The following HECW1 variants were observed in gnomAD, a reference collection of about 807,000 sequenced individuals.
The protein encoded by HECW1 is E3 ubiquitin-protein ligase HECW1.
A neutral mutation model predicts 182.3 loss-of-function variants in HECW1; 61 were observed. That is an observed-to-expected ratio of 0.33 (90% CI 0.27 to 0.41). The LOEUF (loss-of-function observed/expected upper bound fraction) is 0.41, where lower values mean the gene tolerates loss of function less well. HECW1 is among the 10% of genes least tolerant of loss of function. HECW1 has a pLI of 1.00. For missense variants in HECW1, 1,739 were observed against 2,108.9 expected (o/e 0.82, Z 3.44); for synonymous variants, 859 against 832.6 (o/e 1.03, Z -0.55).
At chr7:43,188,124 AG>A (rs1432381088) in intron 2 of HECW1, among the ~76,000 whole-genome samples, 2 of 152,196 alleles carry the variant, frequency 1.3e-5, no homozygotes, top group African/African-American at 4.8e-5. Flanking sequence ...TTCCAGACTG[AG>A]GATGTCTCTT....
Position 43,509,102 on chromosome 7 carries a change from G to A in HECW1, c.4000G>A (p.Val1334Ile), listed in dbSNP as rs761127676. The change falls in exon 24 of 30, where the codon GTA (valine) becomes ATA (isoleucine). Residue 1334 changes from valine (V) to isoleucine (I), a missense_variant. Physicochemically the swap from Val to Ile is conservative, Grantham distance 29. Coordinates refer to ENST00000395891, the MANE Select transcript of HECW1 (RefSeq NM_015052.5). The part of the protein sequence containing the change: ...TVQISPMSAF[V>I]ENHLEWFRFS... ...GCAGATCAGCCCCATGTCCGCATTT[G>A]TAGAAAACCATCTTGAGTGGTAAGC... 1 of 1,614,028 alleles carries A rather than the reference G, an allele frequency of 6.2e-7. No individual in the cohort carries two copies. The highest frequency in any genetic ancestry group is 2.2e-5 in the East Asian group (1 of 44,878).
intron 3 of HECW1, chr7:43,258,672 C>T (rs749598927): frequency 8.5e-5 from 13 of 152,206 alleles, no homozygotes; most frequent in Non-Finnish European, 1.6e-4. Context: ...CTTTACCTAA[C>T]AGAAGATAAT....
intron 8 of HECW1, among the ~76,000 whole-genome samples, chr7:43,410,444 T>G (rs1354721725): frequency 2.6e-5 from 4 of 152,124 alleles, no homozygotes; most frequent in Non-Finnish European, 5.9e-5. Flanking sequence ...CCCGGCCTCT[T>G]AATACCATCA....
intron 5 of HECW1, among the ~76,000 whole-genome samples, chr7:43,321,598 G>T (rs1429744807): frequency 6.6e-6 from 1 of 152,140 alleles, no homozygotes. Context: ...TGCACTTTCT[G>T]GTTGTTAGCA....
Position 43,528,877 on chromosome 7 carries a change from A to C in HECW1, c.4020-12286A>C, listed in dbSNP as rs188221490. ...CAAGTTTTCTCAGCTAATTTGTAAA[A>C]TCATTTCCACATAAAGGGAAGCTAT... On this transcript the variant is annotated intron_variant, in intron 24 of 29. Coordinates refer to ENST00000395891, the MANE Select transcript of HECW1 (RefSeq NM_015052.5). Among the ~76,000 whole-genome samples the C allele has an allele frequency of 1.7e-3, 260 of 152,322 alleles. 1 individual carries two copies. Among genetic ancestry groups the C allele is most frequent in the African/African-American group, 6.0e-3 (251 of 41,570 alleles).
rs1253297151 is a variant in HECW1 at position 43,420,180 on chromosome 7, A to G, written c.801+12449A>G. On this transcript the variant is annotated intron_variant, in intron 8 of 29. Transcript: ENST00000395891. Reference sequence around the variant, plus strand: ...TTGATTTCTTTATTACGGCTAGCAGATATTTAGGAATGTTAGCACAGGTCT... The same window carrying G: ...TTGATTTCTTTATTACGGCTAGCAGGTATTTAGGAATGTTAGCACAGGTCT... Among the ~76,000 whole-genome samples the G allele has an allele frequency of 3.3e-5, 5 of 152,346 alleles. No individual in the cohort carries two copies. In the East Asian group the frequency reaches 9.6e-4, roughly 29 times the overall value.
chr7:43,209,170 G>A (rs1366608849), intron 2 of HECW1, among the ~76,000 whole-genome samples: 1 of 99,636 alleles, frequency 1.0e-5, no homozygotes, highest in African/African-American at 3.6e-5. Context: ...CGTTAACAGT[G>A]GCATCAGACC....
chr7:43,298,358 A>T (rs1442861643), intron 3 of HECW1, among the ~76,000 whole-genome samples: 2 of 152,244 alleles, frequency 1.3e-5, no homozygotes, highest in African/African-American at 4.8e-5. Context: ...AGGGTTTGGC[A>T]TGTGCATTTG....
chr7:43,305,588 G>T (rs1284337524), intron 3 of HECW1, among the ~76,000 whole-genome samples: 4 of 147,262 alleles, frequency 2.7e-5, no homozygotes, highest in South Asian at 2.1e-4. Context: ...ATAGTGTTTT[G>T]TTGTTGTTGT....
At chr7:43,335,881 T>C (rs1007279160) in intron 5 of HECW1, among the ~76,000 whole-genome samples, 3 of 148,286 alleles carry the variant, frequency 2.0e-5, no homozygotes, top group African/African-American at 5.0e-5. Context: ...CTTTCTCCCT[T>C]CATCTTTCTT....
chr7:43,141,051 G>A (rs1196545447), intron 2 of HECW1, among the ~76,000 whole-genome samples: 1 of 152,164 alleles, frequency 6.6e-6, no homozygotes, highest in Non-Finnish European at 1.5e-5. Context: ...GGTGGGTTAG[G>A]ACATCAACAG....
chr7:43,350,215 T>C (rs1814247330), intron 5 of HECW1, among the ~76,000 whole-genome samples: 1 of 152,194 alleles, frequency 6.6e-6, no homozygotes, highest in African/African-American at 2.4e-5. Context: ...GCTTGTAGGG[T>C]TTCTGCTGAG....
At chr7:43,287,048 T>G (rs1180931740) in intron 3 of HECW1, among the ~76,000 whole-genome samples, 3 of 150,614 alleles carry the variant, frequency 2.0e-5, no homozygotes, top group East Asian at 1.9e-4. Context: ...TGGTTGGGGG[T>G]GGTGGGGAGG....
intron 2 of HECW1, among the ~76,000 whole-genome samples, chr7:43,122,583 C>A (rs2152606661): frequency 6.6e-6 from 1 of 152,294 alleles, no homozygotes; most frequent in Admixed American, 6.5e-5. Flanking sequence ...ACTATCCATC[C>A]TGTTGTCGCA....
At chr7:43,161,664 A>G (rs1226583445) in intron 2 of HECW1, 1 of 152,208 alleles carries the variant, frequency 6.6e-6, no homozygotes, top group Non-Finnish European at 1.5e-5. Context: ...ATTCAAGCTA[A>G]GGTTGGAGAG....
At chr7:43,292,564 A>G (rs1004828679) in intron 3 of HECW1, among the ~76,000 whole-genome samples, 5 of 152,236 alleles carry the variant, frequency 3.3e-5, no homozygotes, top group African/African-American at 1.2e-4. Flanking sequence ...GACTAAGCAC[A>G]AGTGTGGCCC....
At chr7:43,474,550 A>G (rs1453512449) in intron 16 of HECW1, among the ~76,000 whole-genome samples, 1 of 152,202 alleles carries the variant, frequency 6.6e-6, no homozygotes, top group East Asian at 1.9e-4. Flanking sequence ...CATGTACCTT[A>G]TGAGCCAAAT....
chr7:43,216,670 T>C (rs1796470846), intron 2 of HECW1, among the ~76,000 whole-genome samples: 2 of 151,804 alleles, frequency 1.3e-5, no homozygotes, highest in African/African-American at 4.8e-5. Context: ...AATTTTTTTT[T>C]TTTTCTGAGA....
intron 6 of HECW1, among the ~76,000 whole-genome samples, chr7:43,370,728 A>G (rs990535221): frequency 1.3e-5 from 2 of 152,186 alleles, no homozygotes; most frequent in Non-Finnish European, 2.9e-5. Context: ...GATGCATACT[A>G]CTAAGTGAAA....
Sources: allele counts gnomAD v4.1 joint callset (sites outside exome capture counted in the v4.1 genomes callset), GRCh38; gene constraint gnomAD v4.1.1; transcripts MANE v1.5; gene names NCBI Gene and HGNC (gene_info 2026-07-23, HGNC 2026-07-21).